ANGPT1: variants seen among roughly 807,000 people sequenced by gnomAD.
ANGPT1 encodes angiopoietin 1.
A neutral mutation model predicts 62.2 loss-of-function variants in ANGPT1; 17 were observed. That is an observed-to-expected ratio of 0.27 (90% CI 0.19 to 0.41). The LOEUF (loss-of-function observed/expected upper bound fraction) is 0.41. Among genes scored for constraint, ANGPT1 ranks in the 10% least tolerant of loss-of-function variants. The pLI is 1.00. For missense variants in ANGPT1, 478 were observed against 594.9 expected (o/e 0.80, Z 2.04); for synonymous variants, 199 against 198.9 (o/e 1.00, Z 0.00).
chr8:107,332,031 T>C (rs919316205), intron 3 of ANGPT1, among the ~76,000 whole-genome samples: 1 of 152,072 alleles, frequency 6.6e-6, no homozygotes, highest in Non-Finnish European at 1.5e-5. Context: ...AACTGGCCAG[T>C]TGACCAAACC....
At position 107,435,529 on chromosome 8, in the gene ANGPT1, G is replaced by A. The variant is rs75326076; in HGVS notation, c.297+61733C>T. 6.1e-3 allele frequency among the ~76,000 whole-genome samples: 926 copies of A among 152,290 alleles called. 7 individuals are homozygous for A. The highest frequency in any genetic ancestry group is 0.021 in the African/African-American group (860 of 41,556). On this transcript the variant is annotated intron_variant, in intron 1 of 8. Transcript: ENST00000517746. Reference sequence around the variant, plus strand: ...AACAAACTTCCGGGGAGTGTCATGTGTTGGCTGAGAAACCACATCTAAATG... The same window carrying A: ...AACAAACTTCCGGGGAGTGTCATGTATTGGCTGAGAAACCACATCTAAATG...
At chr8:107,439,091 GA>G (rs1044818978) in intron 1 of ANGPT1, among the ~76,000 whole-genome samples, 39 of 151,986 alleles carry the variant, frequency 2.6e-4, no homozygotes, top group African/African-American at 8.9e-4. Flanking sequence ...TTGCTTATGA[GA>G]AAAAAAGAAA....
At chr8:107,276,705 T>A (rs1289432683) in intron 7 of ANGPT1, among the ~76,000 whole-genome samples, 1 of 152,152 alleles carries the variant, frequency 6.6e-6, no homozygotes, top group Non-Finnish European at 1.5e-5. Context: ...GATCTGAGAC[T>A]TAGAAAAGTG....
chr8:107,299,403 AT>A (rs1814500612), intron 5 of ANGPT1, among the ~76,000 whole-genome samples: 1 of 141,078 alleles, frequency 7.1e-6, no homozygotes, highest in Non-Finnish European at 1.5e-5. Context: ...ATATATATAT[AT>A]ATATATATAT....
rs935275126 is a variant in ANGPT1, at chr8:107,310,838, A to G, written c.809-7471T>C. Among the ~76,000 whole-genome samples the G allele has an allele frequency of 2.6e-5, 4 of 152,152 alleles. No homozygotes were observed. In the South Asian group the frequency reaches 6.2e-4, roughly 24 times the overall value. ...TCATAAGCCTGGTAGTTGGTCTCCC[A>G]GCCTACGGACTATTTGCTAGAAGCT... On this transcript the variant is annotated intron_variant, in intron 4 of 8. Transcript: ENST00000517746.
At chr8:107,400,982 C>G (rs1330506735) in intron 1 of ANGPT1, among the ~76,000 whole-genome samples, 3 of 152,246 alleles carry the variant, frequency 2.0e-5, no homozygotes, top group Middle Eastern at 3.4e-3. Context: ...GCACACACCC[C>G]ACAAATGATT....
intron 5 of ANGPT1, among the ~76,000 whole-genome samples, chr8:107,299,388 A>AGT (rs1390326614): frequency 0.032 from 1,408 of 43,394 alleles, 21 homozygotes; most frequent in Admixed American, 0.057. Context: ...TAAATGAAGG[A>AGT]GTGTATATAT....
intron 1 of ANGPT1, among the ~76,000 whole-genome samples, chr8:107,351,190 A>G (rs964921730): frequency 6.6e-6 from 1 of 152,178 alleles, no homozygotes; most frequent in Non-Finnish European, 1.5e-5. Context: ...CCAAAATGCT[A>G]GGAAGAGAAT....
At chr8:107,408,500 A>G (rs930930417) in intron 1 of ANGPT1, among the ~76,000 whole-genome samples, 1 of 99,752 alleles carries the variant, frequency 1.0e-5, no homozygotes, top group African/African-American at 4.1e-5. Context: ...AAGTAGAAAA[A>G]CAAAGTAGGA....
At chr8:107,373,731 G>C (rs1251080965) in intron 1 of ANGPT1, among the ~76,000 whole-genome samples, 1 of 152,134 alleles carries the variant, frequency 6.6e-6, no homozygotes, top group African/African-American at 2.4e-5. Flanking sequence ...ATTTTTCTAA[G>C]TGCCTCACTT....
chr8:107,401,278 A>G (rs1817042668), intron 1 of ANGPT1, among the ~76,000 whole-genome samples: 1 of 152,116 alleles, frequency 6.6e-6, no homozygotes, highest in Admixed American at 6.5e-5. Flanking sequence ...ACAAGAAAAA[A>G]AAAAACTGTG....
intron 1 of ANGPT1, among the ~76,000 whole-genome samples, chr8:107,383,801 C>G (rs925588614): frequency 4.6e-5 from 7 of 152,028 alleles, no homozygotes; most frequent in Non-Finnish European, 1.0e-4. Flanking sequence ...GGACATTAGC[C>G]CTGCAAGCAT....
At chr8:107,257,824 A>C (rs532234529) in intron 8 of ANGPT1, among the ~76,000 whole-genome samples, 11 of 146,016 alleles carry the variant, frequency 7.5e-5, no homozygotes, top group Admixed American at 4.2e-4. Context: ...CTAGAAGTCC[A>C]TTCCTTCTGT....
chr8:107,310,645 G>A (rs925252332), intron 4 of ANGPT1, among the ~76,000 whole-genome samples: 5 of 152,136 alleles, frequency 3.3e-5, no homozygotes, highest in African/African-American at 1.2e-4. Context: ...AGAATTGTCT[G>A]AGATGAAAAC....
intron 1 of ANGPT1, among the ~76,000 whole-genome samples, chr8:107,475,656 G>A (rs1464498994): frequency 6.6e-6 from 1 of 152,140 alleles, no homozygotes; most frequent in Non-Finnish European, 1.5e-5. Flanking sequence ...GCAACCTACA[G>A]AATGGGAGAA....
At chr8:107,386,878 A>G (rs1352837975) in intron 1 of ANGPT1, among the ~76,000 whole-genome samples, 1 of 152,106 alleles carries the variant, frequency 6.6e-6, no homozygotes, top group Non-Finnish European at 1.5e-5. Flanking sequence ...TGGAATTAAT[A>G]TACAGTAAAA....
chr8:107,261,630 TG>T (rs201927072), intron 8 of ANGPT1, among the ~76,000 whole-genome samples: 1,626 of 149,836 alleles, frequency 0.011, 18 homozygotes, highest in Middle Eastern at 0.022. Context: ...GCAAGAACCC[TG>T]GAAGTGGAGC....
intron 8 of ANGPT1, among the ~76,000 whole-genome samples, chr8:107,255,770 T>A (rs1032470623): frequency 6.8e-6 from 1 of 147,412 alleles, no homozygotes; most frequent in African/African-American, 2.5e-5. Flanking sequence ...AATAAGATAA[T>A]GCACTATTAC....
intron 7 of ANGPT1, among the ~76,000 whole-genome samples, chr8:107,276,994 T>G (rs1813882052): frequency 6.6e-6 from 1 of 152,228 alleles, no homozygotes; most frequent in African/African-American, 2.4e-5. Context: ...TCTAATCTAA[T>G]GATGTCATTT....
Sources: allele counts gnomAD v4.1 joint callset (sites outside exome capture counted in the v4.1 genomes callset), GRCh38; gene constraint gnomAD v4.1.1; transcripts MANE v1.5; gene names NCBI Gene and HGNC (gene_info 2026-07-23, HGNC 2026-07-21).